Variants in REXO2 observed in about 807,000 individuals in gnomAD.
The protein encoded by REXO2 is oligoribonuclease, mitochondrial.
Under a neutral mutation model 30.9 loss-of-function variants are expected in REXO2, and 17 were observed. The observed-to-expected ratio is 0.55, with a 90% CI of 0.38 to 0.82. The LOEUF is 0.82. Among genes scored for constraint, REXO2 ranks in the 40% least tolerant of loss-of-function variants. The probability of loss-of-function intolerance (pLI) is 0.00; values close to 1 mark genes in which losing one functional copy is unlikely to be tolerated. For synonymous variants in REXO2, 105 were observed against 99.6 expected (o/e 1.05, Z -0.32); for missense variants, 253 against 293.2 (o/e 0.86, Z 1.00).
intron 2 of REXO2, chr11:114,441,677 A>G: frequency 5.7e-6 from 4 of 700,458 alleles, no homozygotes; most frequent in South Asian, 1.5e-5. Context: ...GGTAGCATTG[A>G]TATGTTACTG....
Position 114,447,882 on chromosome 11 carries a change from A to T in REXO2, c.584+3A>T, listed in dbSNP as rs769076989. On this transcript the variant is annotated splice_donor_region_variant and intron_variant, in intron 6 of 6. Transcript: ENST00000265881. ...CCAAAGAAGGCTGCTTCTCATAGGTAAGTTTGAGTTCTACCAAGCGTTTTC... is the reference window on the plus strand; with the variant it reads ...CCAAAGAAGGCTGCTTCTCATAGGTTAGTTTGAGTTCTACCAAGCGTTTTC... 2 of 1,613,182 alleles carry T rather than the reference A, an allele frequency of 1.2e-6. No homozygotes were observed. The highest frequency in any genetic ancestry group is 1.7e-6 in the Non-Finnish European group (2 of 1,179,494).
chr11:114,439,490 C>CG lies in REXO2; in HGVS notation c.-37dup. Reference sequence around the variant, plus strand: ...GCGACTATTGCGCCTGCGCCAGCGCCGGCTGCGAGACTGGGGCCGTGGCTG... The same window carrying CG: ...GCGACTATTGCGCCTGCGCCAGCGCCGGGCTGCGAGACTGGGGCCGTGGCTG... On this transcript the variant is annotated 5_prime_UTR_variant, in exon 1 of 7. Coordinates refer to ENST00000265881, the MANE Select transcript of REXO2 (RefSeq NM_015523.4). The CG allele has an allele frequency of 6.3e-7, 1 of 1,596,024 alleles. No homozygotes were observed. Among genetic ancestry groups the CG allele is most frequent in the Non-Finnish European group, 8.5e-7 (1 of 1,177,300 alleles).
At chr11:114,445,715 A>G in intron 4 of REXO2, 1 of 322,586 alleles carries the variant, frequency 3.1e-6, no homozygotes, top group Non-Finnish European at 5.8e-6. Flanking sequence ...CATTACATCA[A>G]GCATGTGGAA....
At chr11:114,444,776 T>G (rs903394981) in intron 4 of REXO2, 124 bp downstream of exon 4, 1 of 470,244 alleles carries the variant, frequency 2.1e-6, no homozygotes, top group Non-Finnish European at 3.6e-6. Flanking sequence ...GGGTTACACA[T>G]CTTAACTTTT....
rs533107122 is a variant in REXO2 at position 114,440,912 on chromosome 11, G to A, written c.231+173G>A. The A allele has an allele frequency of 2.1e-4, 95 of 461,460 alleles. 1 individual carries two copies. The South Asian group carries it at 4.3e-3, about 21-fold the overall frequency. The allele number at this position is 461,460 out of a possible 1,614,324, so 28.6% of individuals were successfully genotyped here. On this transcript the variant is annotated intron_variant, in intron 2 of 6. Transcript: ENST00000265881. The stretch of plus-strand genomic sequence containing the variant: ...TAGAACCAAAGTAATCCATCTCACA[G>A]CCTAGTGAAAATTAAAAATTAAACA...
At position 114,447,305 on chromosome 11, in the gene REXO2, G is replaced by T. The variant is rs192441639; in HGVS notation, c.531-521G>T. Among the ~76,000 whole-genome samples the T allele has an allele frequency of 3.9e-5, 6 of 152,296 alleles. No individual in the cohort carries two copies. In the East Asian group the frequency reaches 1.2e-3, roughly 29 times the overall value. ...GGGCATGGAAATGAGGGGCTTGTAT[G>T]ATAAAAATGTGAGAGGGTCAGTTGA... On this transcript the variant is annotated intron_variant, in intron 5 of 6. Coordinates refer to ENST00000265881, the MANE Select transcript of REXO2 (RefSeq NM_015523.4).
chr11:114,444,424 A>G lies in REXO2; in HGVS notation c.310-117A>G. ...TTGCAATTTGAACTTGAGCTCTAAA[A>G]ATGGTCTATTTGTGGTTATATTTGC... On this transcript the variant is annotated intron_variant, in intron 3 of 6. Coordinates refer to ENST00000265881, the MANE Select transcript of REXO2 (RefSeq NM_015523.4). 2 of 730,264 alleles carry G rather than the reference A, an allele frequency of 2.7e-6. 1 individual carries two copies. The allele number at this position is 730,264 out of a possible 1,614,324, so 45.2% of individuals were successfully genotyped here.
chr11:114,448,965 G>C (rs778997485), intron 6 of REXO2: 1 of 152,276 alleles, frequency 6.6e-6, no homozygotes, highest in Non-Finnish European at 1.5e-5. Context: ...AAAGAAAGCA[G>C]ATGGTTGCCT....
Position 114,449,843 on chromosome 11 carries a change from T to C in REXO2, c.585-3T>C, listed in dbSNP as rs1159883151. On this transcript the variant is annotated splice_region_variant and splice_polypyrimidine_tract_variant and intron_variant, in intron 6 of 6. Coordinates refer to ENST00000265881, the MANE Select transcript of REXO2 (RefSeq NM_015523.4). ...TCATTCATTGTGGTATGTTTGCTTA[T>C]AGGGCACTTGATGACATTAGTGAAA... 6.2e-7 allele frequency: 1 copy of C among 1,607,462 alleles called. No individual in the cohort carries two copies. The highest frequency in any genetic ancestry group is 1.1e-5 in the South Asian group (1 of 89,584).
intron 4 of REXO2, 50 bp downstream of exon 4, chr11:114,444,702 C>A: frequency 2.5e-6 from 3 of 1,182,574 alleles, no homozygotes; most frequent in South Asian, 1.9e-5. Flanking sequence ...TGTAGTGGTT[C>A]AAGAGACTGC....
At chr11:114,442,894 A>G (rs889851298) in intron 2 of REXO2, among the ~76,000 whole-genome samples, 18 of 152,164 alleles carry the variant, frequency 1.2e-4, no homozygotes, top group African/African-American at 4.3e-4. Context: ...TTTTTTAAAT[A>G]TAAAAATACT....
chr11:114,444,061 C>T, intron 3 of REXO2, 128 bp downstream of exon 3: 1 of 727,930 alleles, frequency 1.4e-6, no homozygotes, highest in Non-Finnish European at 2.5e-6. Context: ...CATGGCAAGC[C>T]TGGGAAACTG....
rs1359839762 is a variant in REXO2, at chr11:114,447,612, C to T, written c.531-214C>T. Among the ~76,000 whole-genome samples the T allele has an allele frequency of 3.3e-5, 5 of 151,858 alleles. No individual in the cohort carries two copies. The South Asian group carries it at 1.0e-3, about 32-fold the overall frequency. ...TCTAGGGAGGGCTGGGCTGGATTTC[C>T]AGATTTAGCAATCTTACACACTGAT... On this transcript the variant is annotated intron_variant, in intron 5 of 6. Coordinates refer to ENST00000265881, the MANE Select transcript of REXO2 (RefSeq NM_015523.4).
At chr11:114,449,726 A>T (rs1057200917) in intron 6 of REXO2, 120 bp from the exon 7 acceptor site, 1 of 939,024 alleles carries the variant, frequency 1.1e-6, no homozygotes, top group Non-Finnish European at 1.6e-6. Flanking sequence ...ATGATGCTAG[A>T]CAGTGACACT....
chr11:114,439,606 C>T lies in REXO2; in HGVS notation c.78C>T (p.Val26=), dbSNP rs1403883534. The T allele has an allele frequency of 1.9e-6, 3 of 1,606,198 alleles. No individual in the cohort carries two copies. Among genetic ancestry groups the T allele is most frequent in the Non-Finnish European group, 2.5e-6 (3 of 1,177,742 alleles). The change falls in exon 1 of 7, where the codon GTC becomes GTT. Residue 26 remains valine (V), a synonymous_variant. Transcript: ENST00000265881. ...ACGGACGGTTCGGGGCCCGAGGTGT[C>T]CGCGAAGGTGGCGCAGCCATGGCGG... ...GSHGRFGARG[V]REGGAAMAAG...
intron 6 of REXO2, among the ~76,000 whole-genome samples, chr11:114,449,488 T>G (rs562573040): frequency 5.9e-5 from 9 of 152,178 alleles, no homozygotes; most frequent in African/African-American, 2.2e-4. Flanking sequence ...ATAATACACA[T>G]TAGTATATTA....
intron 6 of REXO2, among the ~76,000 whole-genome samples, chr11:114,448,340 A>G (rs1192057091): frequency 6.6e-6 from 1 of 152,180 alleles, no homozygotes; most frequent in Non-Finnish European, 1.5e-5. Flanking sequence ...TTGTATATTC[A>G]TGTGTCCTGT....
intron 3 of REXO2, 139 bp from the exon 4 acceptor site, chr11:114,444,402 C>A: frequency 1.5e-6 from 1 of 677,400 alleles, no homozygotes; most frequent in Non-Finnish European, 2.6e-6. Flanking sequence ...ATGGCAGTTG[C>A]AATTTGAACT....
At chr11:114,441,405 T>C (rs761387765) in intron 2 of REXO2, among the ~76,000 whole-genome samples, 17 of 152,378 alleles carry the variant, frequency 1.1e-4, no homozygotes, top group Non-Finnish European at 2.4e-4. Context: ...AGTGTTCTGT[T>C]GTTGACAGAT....
Sources: gnomAD v4.1 joint callset for allele counts (sites outside exome capture counted in the v4.1 genomes callset) on GRCh38, gnomAD v4.1.1 for gene constraint, MANE v1.5 for transcripts, NCBI Gene and HGNC (gene_info 2026-07-23, HGNC 2026-07-21) for gene names.